CNTNAP2: variants seen among roughly 807,000 people sequenced by gnomAD.
CNTNAP2 encodes the protein contactin-associated protein-like 2.
In CNTNAP2, 98 loss-of-function variants were observed where a neutral mutation model predicts 155.2. That is an observed-to-expected ratio of 0.63 (90% confidence interval 0.54 to 0.75). The LOEUF (loss-of-function observed/expected upper bound fraction) is 0.75. Ranked by LOEUF, CNTNAP2 falls within the 30% of genes least tolerant of loss-of-function variation. The probability of loss-of-function intolerance (pLI) is 0.00; values close to 1 mark genes in which losing one functional copy is unlikely to be tolerated. For synonymous variants in CNTNAP2, 651 were observed against 631.2 expected (o/e 1.03, Z -0.47); for missense variants, 1,727 against 1,688.1 (o/e 1.02, Z -0.40).
intron 1 of CNTNAP2, among the ~76,000 whole-genome samples, chr7:146,653,455 C>T (rs1307472844): frequency 6.6e-6 from 1 of 152,150 alleles, no homozygotes; most frequent in Non-Finnish European, 1.5e-5. Context: ...TTTCAATCTA[C>T]AGAGAATGTC....
At chr7:146,833,008 T>C (rs1226339143) in intron 2 of CNTNAP2, among the ~76,000 whole-genome samples, 1 of 152,142 alleles carries the variant, frequency 6.6e-6, no homozygotes, top group Non-Finnish European at 1.5e-5. Flanking sequence ...GCTCACTAAT[T>C]ATTTCTTAGA....
intron 10 of CNTNAP2, among the ~76,000 whole-genome samples, chr7:147,479,555 T>C (rs2116624894): frequency 6.6e-6 from 1 of 152,314 alleles, no homozygotes; most frequent in Middle Eastern, 3.4e-3. Flanking sequence ...ACATTTTATT[T>C]ACAAAACAGT....
intron 1 of CNTNAP2, among the ~76,000 whole-genome samples, chr7:146,572,264 CTTTTTTTT>C (rs71165015): frequency 1.6e-5 from 2 of 126,192 alleles, no homozygotes; most frequent in Admixed American, 8.0e-5. Context: ...TTTCTGTTGT[CTTTTTTTT>C]TTTTTTTTTT....
At chr7:146,629,743 A>T (rs1799479830) in intron 1 of CNTNAP2, among the ~76,000 whole-genome samples, 1 of 152,164 alleles carries the variant, frequency 6.6e-6, no homozygotes, top group Non-Finnish European at 1.5e-5. Context: ...GAAAATCCCA[A>T]AACTTTATGG....
chr7:146,310,654 T>C (rs1800804019), intron 1 of CNTNAP2, among the ~76,000 whole-genome samples: 1 of 152,140 alleles, frequency 6.6e-6, no homozygotes. Flanking sequence ...TTGACTAGTC[T>C]TTCCCTATAT....
chr7:147,242,974 C>A (rs1339814252), intron 8 of CNTNAP2, among the ~76,000 whole-genome samples: 1 of 114,548 alleles, frequency 8.7e-6, no homozygotes, highest in Non-Finnish European at 1.7e-5. Flanking sequence ...TTGTATTCCA[C>A]ACTATGCTTT....
intron 3 of CNTNAP2, among the ~76,000 whole-genome samples, chr7:146,993,812 C>A (rs1366574009): frequency 6.6e-6 from 1 of 152,034 alleles, no homozygotes; most frequent in Non-Finnish European, 1.5e-5. Flanking sequence ...TTTGTCATGG[C>A]CACTACTGTC....
At chr7:147,377,138 C>T (rs1390141397) in intron 9 of CNTNAP2, among the ~76,000 whole-genome samples, 1 of 150,228 alleles carries the variant, frequency 6.7e-6, no homozygotes, top group Non-Finnish European at 1.5e-5. Flanking sequence ...CCTTCTTCTC[C>T]CCCCCCTTTT....
chr7:147,563,032 A>G (rs1800094124), intron 12 of CNTNAP2, among the ~76,000 whole-genome samples: 3 of 152,176 alleles, frequency 2.0e-5, no homozygotes, highest in Non-Finnish European at 4.4e-5. Context: ...GTAGTTACTG[A>G]GTGTGACTGT....
At chr7:147,307,835 T>G (rs1421378745) in intron 9 of CNTNAP2, among the ~76,000 whole-genome samples, 1 of 152,166 alleles carries the variant, frequency 6.6e-6, no homozygotes, top group Non-Finnish European at 1.5e-5. Flanking sequence ...CCAAAGAGAT[T>G]ATGGGCAACT....
chr7:147,878,771 T>G (rs1272838619), intron 13 of CNTNAP2, among the ~76,000 whole-genome samples: 1 of 152,210 alleles, frequency 6.6e-6, no homozygotes, highest in Non-Finnish European at 1.5e-5. Context: ...ATGAGATAGT[T>G]TTCTTTTAAG....
intron 1 of CNTNAP2, among the ~76,000 whole-genome samples, chr7:146,770,567 G>A (rs891581508): frequency 6.6e-6 from 1 of 151,644 alleles, no homozygotes; most frequent in Admixed American, 6.6e-5. Flanking sequence ...AAAAAAAATT[G>A]CTTATTGGCC....
At chr7:148,038,788 C>T (rs1802616372) in intron 15 of CNTNAP2, among the ~76,000 whole-genome samples, 1 of 130,270 alleles carries the variant, frequency 7.7e-6, no homozygotes, top group Non-Finnish European at 1.7e-5. Flanking sequence ...TTTTAGGCTT[C>T]TCCAAAGAGA....
intron 15 of CNTNAP2, among the ~76,000 whole-genome samples, chr7:148,000,315 C>A (rs927377419): frequency 6.6e-6 from 1 of 152,090 alleles, no homozygotes; most frequent in Non-Finnish European, 1.5e-5. Flanking sequence ...GGGGAAGAAG[C>A]CTTTGTGTTT....
At chr7:147,583,778 T>C (rs1439016023) in intron 12 of CNTNAP2, among the ~76,000 whole-genome samples, 2 of 152,036 alleles carry the variant, frequency 1.3e-5, no homozygotes, top group Non-Finnish European at 2.9e-5. Flanking sequence ...AGTGTCTCAG[T>C]TAACAAAATA....
chr7:146,947,044 T>C (rs1485796165), intron 3 of CNTNAP2, among the ~76,000 whole-genome samples: 1 of 151,964 alleles, frequency 6.6e-6, no homozygotes, highest in Non-Finnish European at 1.5e-5. Context: ...TATTTATTTA[T>C]TTTTGAGATG....
chr7:148,029,168 C>T (rs191611134), intron 15 of CNTNAP2, among the ~76,000 whole-genome samples: 7 of 152,202 alleles, frequency 4.6e-5, no homozygotes, highest in African/African-American at 9.6e-5. Context: ...CTACTGCATT[C>T]GTAAATTTCC....
rs967595900 is a variant in CNTNAP2, at chr7:146,939,309, C to A, written c.402+99405C>A. Among the ~76,000 whole-genome samples, 6 of 152,278 alleles carry A rather than the reference C, an allele frequency of 3.9e-5. No individual in the cohort carries two copies. In the South Asian group the frequency reaches 1.2e-3, roughly 32 times the overall value. ...GTAGCTCATTTTCCATTTGGGGAAT[C>A]TATTTCTTATCCATTTGTCCACATC... is the stretch of plus-strand genomic sequence containing the variant. On this transcript the variant is annotated intron_variant, in intron 3 of 23. Coordinates refer to ENST00000361727, the MANE Select transcript of CNTNAP2 (RefSeq NM_014141.6).
intron 13 of CNTNAP2, among the ~76,000 whole-genome samples, chr7:147,639,932 C>G (rs1359105295): frequency 6.6e-6 from 1 of 152,130 alleles, no homozygotes; most frequent in Non-Finnish European, 1.5e-5. Flanking sequence ...TTTACTGCAA[C>G]AAGTTCCATA....
Sources: allele counts gnomAD v4.1 joint callset (sites outside exome capture counted in the v4.1 genomes callset), GRCh38; gene constraint gnomAD v4.1.1; transcripts MANE v1.5; gene names NCBI Gene and HGNC (gene_info 2026-07-23, HGNC 2026-07-21).